The following NLRP11 variants were observed in gnomAD, a reference collection of about 807,000 sequenced individuals.
The protein encoded by NLRP11 is NACHT, LRR and PYD domains-containing protein 11.
NLRP11 carries 53 observed loss-of-function variants against 79.3 expected under a neutral mutation model. That is an observed-to-expected ratio of 0.67 (90% CI 0.54 to 0.84). The LOEUF is 0.84. NLRP11 is among the 40% of genes least tolerant of loss of function. The pLI is 0.00. For missense variants in NLRP11, 1,264 were observed against 1,255.0 expected, an observed-to-expected ratio of 1.01 and a Z score of -0.11; for synonymous variants, 518 against 462.6, an observed-to-expected ratio of 1.12 and a Z score of -1.54.
chr19:55,813,729 C>T (rs1218883230), intron 2 of NLRP11, among the ~76,000 whole-genome samples: 1 of 152,112 alleles, frequency 6.6e-6, no homozygotes, highest in Non-Finnish European at 1.5e-5. Flanking sequence ...TTTCTATTTT[C>T]TCAGGGCCCT....
exon 8 of NLRP11, chr19:55,789,266 C>A: frequency 1.2e-6 from 2 of 1,613,786 alleles, no homozygotes; most frequent in Non-Finnish European, 1.7e-6. Flanking sequence ...TGTCTCAAAC[C>A]ACCACATAGC....
upstream of NLRP11, among the ~76,000 whole-genome samples, chr19:55,834,912 A>G (rs1444370171): frequency 6.6e-6 from 1 of 152,178 alleles, no homozygotes; most frequent in East Asian, 1.9e-4. Flanking sequence ...TTAGGGGAAC[A>G]TGTATCACCA....
chr19:55,805,117 A>G (rs1979862997), intron 4 of NLRP11, among the ~76,000 whole-genome samples: 1 of 152,114 alleles, frequency 6.6e-6, no homozygotes, highest in Non-Finnish European at 1.5e-5. Context: ...GTTGTCCTAG[A>G]GTCCCACCAC....
intron 7 of NLRP11, among the ~76,000 whole-genome samples, chr19:55,791,522 G>A (rs970703407): frequency 6.6e-6 from 1 of 152,278 alleles, no homozygotes; most frequent in African/African-American, 2.4e-5. Flanking sequence ...CAGTTCAGGA[G>A]CTCACAAGCC....
chr19:55,788,880 G>C (rs990542204), exon 9 of NLRP11: 4 of 1,613,254 alleles, frequency 2.5e-6, no homozygotes, highest in Non-Finnish European at 3.4e-6. Flanking sequence ...TTGCCCAAGT[G>C]ATTTTGAAGC....
chr19:55,798,822 C>G lies in NLRP11; in HGVS notation c.2172-2572G>C, dbSNP rs1016433847. ...GAAAGTTGCCCTTCTACACTCTTTT[C>G]CATGTAGCAAGCAAAGGTGTGGACA... is the stretch of plus-strand genomic sequence containing the variant. On this transcript the variant is annotated intron_variant, in intron 5 of 9. Transcript: ENST00000589093. 1.3e-5 allele frequency among the ~76,000 whole-genome samples: 2 copies of G among 152,110 alleles called. 1 individual carries two copies. Among genetic ancestry groups the G allele is most frequent in the Non-Finnish European group, 2.9e-5 (2 of 68,008 alleles).
rs865892646 is a variant in NLRP11 at position 55,831,300 on chromosome 19, G to A, written c.-63+663C>T. Among the ~76,000 whole-genome samples, 7 of 151,658 alleles carry A rather than the reference G, an allele frequency of 4.6e-5. No individual in the cohort carries two copies. The South Asian group carries it at 6.3e-4, about 14-fold the overall frequency. ...CTCAGGACCGGGTGCAGGAGCTCAC[G>A]CCTGTAATCCCAGCACTTTGGGAGG... is the stretch of plus-strand genomic sequence containing the variant. On this transcript the variant is annotated intron_variant, in intron 1 of 9. Transcript: ENST00000589093.
At chr19:55,796,151 C>T (rs1010832180) in exon 6 of NLRP11, 24 of 1,614,056 alleles carry the variant, frequency 1.5e-5, no homozygotes, top group East Asian at 4.5e-5. Context: ...CGCTCCTCAG[C>T]GGATTGCTGG....
chr19:55,822,632 G>A (rs551666882), intron 1 of NLRP11, among the ~76,000 whole-genome samples: 2 of 152,114 alleles, frequency 1.3e-5, no homozygotes, highest in African/African-American at 2.4e-5. Flanking sequence ...TTCCCTTTCC[G>A]AGTCAAAGAA....
At chr19:55,810,096 T>C in exon 3 of NLRP11, 1 of 1,614,198 alleles carries the variant, frequency 6.2e-7, no homozygotes, top group South Asian at 1.1e-5. Context: ...ATCTCACCCT[T>C]GATCCACCTC....
chr19:55,819,245 C>A (rs1478868995), intron 1 of NLRP11, among the ~76,000 whole-genome samples: 2 of 151,792 alleles, frequency 1.3e-5, no homozygotes, highest in Admixed American at 1.3e-4. Context: ...TTCCTGTCCT[C>A]CTGAGTAGGG....
chr19:55,801,680 T>C (rs1415934159), exon 5 of NLRP11: 2 of 1,613,896 alleles, frequency 1.2e-6, no homozygotes, highest in South Asian at 1.1e-5. Flanking sequence ...CAGGCTCCGA[T>C]TACGAGCCAA....
At chr19:55,830,598 T>TTAAAAAA (rs752782865) in intron 1 of NLRP11, among the ~76,000 whole-genome samples, 19 of 129,202 alleles carry the variant, frequency 1.5e-4, no homozygotes, top group Middle Eastern at 4.1e-3. Context: ...CTTAGCTTCC[T>TTAAAAAA]AAAAAAAAAA....
At chr19:55,794,895 G>A (rs1318444491) in intron 6 of NLRP11, among the ~76,000 whole-genome samples, 1 of 152,098 alleles carries the variant, frequency 6.6e-6, no homozygotes, top group African/African-American at 2.4e-5. Flanking sequence ...ATATCAGTTT[G>A]TATTATGTTT....
At chr19:55,794,677 G>A (rs997869529) in intron 6 of NLRP11, among the ~76,000 whole-genome samples, 15 of 151,938 alleles carry the variant, frequency 9.9e-5, no homozygotes, top group Admixed American at 3.3e-4. Flanking sequence ...GGAGAATGGC[G>A]TGAACCCGGG....
chr19:55,806,947 G>C (rs1980054489), intron 4 of NLRP11, among the ~76,000 whole-genome samples: 1 of 151,884 alleles, frequency 6.6e-6, no homozygotes, highest in African/African-American at 2.4e-5. Flanking sequence ...TTTCTCTGTG[G>C]AACTTATTAC....
intron 5 of NLRP11, chr19:55,801,255 G>C (rs1049325660): frequency 4.5e-6 from 1 of 222,494 alleles, no homozygotes; most frequent in Admixed American, 5.5e-5. Flanking sequence ...TCAGTTTGTG[G>C]CTTGAATAAT....
chr19:55,795,558 C>A (rs1008525507), intron 6 of NLRP11, among the ~76,000 whole-genome samples: 1 of 152,004 alleles, frequency 6.6e-6, no homozygotes, highest in Non-Finnish European at 1.5e-5. Flanking sequence ...GGCACAATCT[C>A]GGTTCACTGC....
exon 10 of NLRP11, chr19:55,785,546 A>G (rs1016284303): frequency 7.5e-7 from 1 of 1,333,860 alleles, no homozygotes; most frequent in East Asian, 2.3e-5. Context: ...CACATCAAAT[A>G]GGAAAATTAT....
Sources: allele counts gnomAD v4.1 joint callset (sites outside exome capture counted in the v4.1 genomes callset), GRCh38; gene constraint gnomAD v4.1.1; transcripts MANE v1.5; gene names NCBI Gene and HGNC (gene_info 2026-07-23, HGNC 2026-07-21).